Variants in CCNI2 observed in about 807,000 individuals in gnomAD.
The protein encoded by CCNI2 is cyclin I family member 2.
CCNI2 carries 32 observed loss-of-function variants against 33.2 expected under a neutral mutation model. The ratio of observed to expected loss-of-function variants is 0.96; its 90% CI spans 0.73 to 1.30. The LOEUF is 1.30. Ranked by LOEUF, CCNI2 falls within the 50% of genes most tolerant of loss-of-function variation. CCNI2 has a pLI of 0.00. For synonymous variants in CCNI2, 231 were observed against 219.9 expected (o/e 1.05, Z -0.45); for missense variants, 452 against 486.2 (o/e 0.93, Z 0.66).
rs1754797703 is a variant in CCNI2 at position 132,750,995 on chromosome 5, A to G, written c.772A>G (p.Ile258Val). 6.2e-7 allele frequency: 1 copy of G among 1,613,464 alleles called. No individual in the cohort carries two copies. The highest frequency in any genetic ancestry group is 1.3e-5 in the African/African-American group (1 of 75,012). The change falls in exon 4 of 6, where the codon ATA becomes GTA. Residue 258 changes from isoleucine to valine, a missense_variant and splice_region_variant. Physicochemically the swap from Ile to Val is conservative, Grantham distance 29. Coordinates refer to ENST00000378731, the MANE Select transcript of CCNI2 (RefSeq NM_001039780.4). ...TGGGACGCCGCTGGACTTCTTGACTATAGTGAGTAAGGAGGTGTTTACAGA... is the reference window on the plus strand; with the variant it reads ...TGGGACGCCGCTGGACTTCTTGACTGTAGTGAGTAAGGAGGTGTTTACAGA... ...YIGTPLDFLT[I>V]FHALVVLSWP...
Position 132,747,519 on chromosome 5 carries a change from G to A in CCNI2, c.24G>A (p.Pro8=). Residue 8 remains proline, a synonymous_variant, in exon 1 of 6, where the codon CCG becomes CCA. Transcript: ENST00000378731. This position sits in a 1 kb window ranked among gnomAD's most constrained non-coding sequence, Gnocchi z 4.1. The stretch of plus-strand genomic sequence containing the variant: ...ACATGGCCTCGGGCGCTCAGCTCCC[G>A]CCGCAGCCGTCGAGCTCAGAGGTCA... The part of the protein sequence containing the change: MASGAQL[P]PQPSSSEVSA... The A allele has an allele frequency of 1.3e-6, 2 of 1,498,404 alleles. No homozygotes were observed. The highest frequency in any genetic ancestry group is 1.8e-6 in the Non-Finnish European group (2 of 1,132,148). 92.8% of individuals were successfully genotyped at this position (1,498,404 alleles called of 1,614,324 possible). A position where few individuals can be genotyped will look rare whatever the true frequency, so the allele number is the denominator to read the frequency against.
rs1323308095 is a variant in CCNI2 at position 132,753,407 on chromosome 5, G to A, written c.*437G>A. 3 of 175,432 alleles carry A rather than the reference G, an allele frequency of 1.7e-5. No homozygotes were observed. Among genetic ancestry groups the A allele is most frequent in the Admixed American group, 1.1e-4 (2 of 18,164 alleles). 10.9% of individuals were successfully genotyped at this position (175,432 alleles called of 1,614,324 possible). On this transcript the variant is annotated 3_prime_UTR_variant, in exon 6 of 6. Transcript: ENST00000378731. ...CTGCTCTACCTGCCAGAGCTGGCCA[G>A]GTCCTTCCAACTTCCCAGGCTTATC...
downstream of CCNI2, chr5:132,754,640 G>A (rs1163953995): frequency 8.0e-6 from 5 of 625,420 alleles, no homozygotes; most frequent in East Asian, 2.8e-5. Flanking sequence ...TTGTATTGCC[G>A]AAGTCCCACT....
At chr5:132,750,808 C>G in intron 3 of CCNI2, 49 bp from the exon 4 acceptor site, 1 of 1,588,376 alleles carries the variant, frequency 6.3e-7, no homozygotes, top group Non-Finnish European at 8.6e-7. Flanking sequence ...AAAACAAAAG[C>G]TACTATGACA....
rs1035069452 is a variant in CCNI2 at position 132,747,977 on chromosome 5, G to A, written c.429+53G>A. The A allele has an allele frequency of 1.9e-5, 26 of 1,348,464 alleles. No individual in the cohort carries two copies. The highest frequency in any genetic ancestry group is 3.7e-5 in the Admixed American group (1 of 26,698). 83.5% of individuals were successfully genotyped at this position (1,348,464 alleles called of 1,614,324 possible). On this transcript the variant is annotated intron_variant, in intron 1 of 5. Transcript: ENST00000378731. The surrounding 1 kb of genome is among the most constrained non-coding windows in gnomAD (Gnocchi z 4.1). The stretch of plus-strand genomic sequence containing the variant: ...TCGCGCGTGCACGGCAGGCGGATGT[G>A]GCCTCCACCTGCACCCGCGCTCGGG...
chr5:132,748,252 A>AC lies in CCNI2; in HGVS notation c.430-89dup, dbSNP rs562586834. On this transcript the variant is annotated intron_variant, in intron 1 of 5. Transcript: ENST00000378731. ...AGAGGAAGGGACTTCTCACTGCCCCACCCCCCGCACCTTAAGCAGGAGGCT... is the reference window on the plus strand; with the variant it reads ...AGAGGAAGGGACTTCTCACTGCCCCACCCCCCCGCACCTTAAGCAGGAGGCT... 1,114 of 1,516,526 alleles carry AC rather than the reference A, an allele frequency of 7.3e-4. 6 individuals carry two copies. In the African/African-American group the frequency reaches 0.014, roughly 19 times the overall value. 93.9% of individuals were successfully genotyped at this position (1,516,526 alleles called of 1,614,324 possible).
Position 132,747,894 on chromosome 5 carries a change from G to T in CCNI2, c.399G>T (p.Glu133Asp). 1 of 1,404,452 alleles carries T rather than the reference G, an allele frequency of 7.1e-7. No individual in the cohort carries two copies. The highest frequency in any genetic ancestry group is 9.2e-7 in the Non-Finnish European group (1 of 1,087,814). The allele number at this position is 1,404,452 out of a possible 1,614,324, so 87.0% of individuals were successfully genotyped here. A position where few individuals can be genotyped will look rare whatever the true frequency, so the allele number is the denominator to read the frequency against. Reference protein sequence around the residue: ...LCHLQLAQDREARLWRGGKPQ... With the variant: ...LCHLQLAQDRDARLWRGGKPQ... ...ACTTGCAGCTGGCCCAGGACCGCGA[G>T]GCGCGCCTGTGGCGGGGCGGCAAAC... The change falls in exon 1 of 6, where the codon GAG (glutamate) becomes GAT (aspartate). Residue 133 changes from glutamate (E) to aspartate (D), a missense_variant. Physicochemically the swap from Glu to Asp is conservative, Grantham distance 45. Transcript: ENST00000378731. This position sits in a 1 kb window ranked among gnomAD's most constrained non-coding sequence, Gnocchi z 4.1.
In CCNI2 at chr5:132,753,955, G is replaced by GGTTT. The variant is rs1561732694; in HGVS notation, c.*986_*989dup. The GGTTT allele has an allele frequency of 2.7e-5, 3 of 111,678 alleles. No individual in the cohort carries two copies. Among genetic ancestry groups the GGTTT allele is most frequent in the African/African-American group, 1.8e-4 (3 of 16,852 alleles). 6.9% of individuals were successfully genotyped at this position (111,678 alleles called of 1,614,324 possible). On this transcript the variant is annotated 3_prime_UTR_variant, in exon 6 of 6. Transcript: ENST00000378731. The stretch of plus-strand genomic sequence containing the variant: ...TGTGAAGTCTTCCACTGTGAACTAT[G>GGTTT]GTTTTTTTTTTTTTTTTTTTTTTTT...
rs1427019560 is a variant in CCNI2 at position 132,747,567 on chromosome 5, G to A, written c.72G>A (p.Gly24=). ...SEVSAVQSPG[G]RPGAGLEETA... ...TCAGCGCCGTCCAGAGCCCAGGCGGGCGTCCCGGCGCCGGTCTGGAGGAAA... is the reference window on the plus strand; with the variant it reads ...TCAGCGCCGTCCAGAGCCCAGGCGGACGTCCCGGCGCCGGTCTGGAGGAAA... The change falls in exon 1 of 6, where the codon GGG becomes GGA. Residue 24 remains glycine, a synonymous_variant. Transcript: ENST00000378731. This position sits in a 1 kb window ranked among gnomAD's most constrained non-coding sequence, Gnocchi z 4.1. 5 of 1,495,752 alleles carry A rather than the reference G, an allele frequency of 3.3e-6. No individual in the cohort carries two copies. The highest frequency in any genetic ancestry group is 3.5e-6 in the Non-Finnish European group (4 of 1,128,794). The allele number at this position is 1,495,752 out of a possible 1,614,324, so 92.7% of individuals were successfully genotyped here. A position where few individuals can be genotyped will look rare whatever the true frequency, so the allele number is the denominator to read the frequency against.
intron 1 of CCNI2, 86 bp from the exon 2 acceptor site, chr5:132,748,261 A>T: frequency 1.9e-6 from 3 of 1,552,370 alleles, no homozygotes; most frequent in Non-Finnish European, 2.6e-6. Flanking sequence ...CACCCCCCGC[A>T]CCTTAAGCAG....
intron 3 of CCNI2, 66 bp downstream of exon 3, chr5:132,749,488 C>A: frequency 1.5e-6 from 2 of 1,325,674 alleles, no homozygotes; most frequent in Non-Finnish European, 2.2e-6. Flanking sequence ...TTGGAGGACT[C>A]CAGTTTCCTG....
chr5:132,748,218 C>A, intron 1 of CCNI2, 129 bp from the exon 2 acceptor site: 2 of 1,300,968 alleles, frequency 1.5e-6, no homozygotes, highest in Non-Finnish European at 1.0e-6. Flanking sequence ...TTACTCCCAG[C>A]GGGCATGCAG....
At chr5:132,751,924 T>C (rs1334222918) in intron 4 of CCNI2, 42 bp from the exon 5 acceptor site, 2 of 1,559,190 alleles carry the variant, frequency 1.3e-6, no homozygotes, top group South Asian at 1.2e-5. Context: ...ATAGGAAAAG[T>C]ATGGCGTTTT....
rs1325658547 is a variant in CCNI2 at position 132,753,402 on chromosome 5, G to T, written c.*432G>T. 5.7e-6 allele frequency: 1 copy of T among 176,178 alleles called. No homozygotes were observed. Among genetic ancestry groups the T allele is most frequent in the Non-Finnish European group, 1.2e-5 (1 of 81,806 alleles). 10.9% of individuals were successfully genotyped at this position (176,178 alleles called of 1,614,324 possible). On this transcript the variant is annotated 3_prime_UTR_variant, in exon 6 of 6. Transcript: ENST00000378731. The stretch of plus-strand genomic sequence containing the variant: ...TCTTGCTGCTCTACCTGCCAGAGCT[G>T]GCCAGGTCCTTCCAACTTCCCAGGC...
Position 132,747,780 on chromosome 5 carries a change from C to T in CCNI2, c.285C>T (p.Ala95=). The T allele has an allele frequency of 1.4e-6, 2 of 1,470,144 alleles. No individual in the cohort carries two copies. Among genetic ancestry groups the T allele is most frequent in the African/African-American group, 2.9e-5 (2 of 68,192 alleles). The allele number at this position is 1,470,144 out of a possible 1,614,324, so 91.1% of individuals were successfully genotyped here. A position where few individuals can be genotyped will look rare whatever the true frequency, so the allele number is the denominator to read the frequency against. ...AGKTADAVPA[A]APEQAPRPAP... ...AAACCGCAGACGCGGTCCCCGCCGCCGCCCCAGAGCAAGCTCCGCGGCCGG... is the reference window on the plus strand; with the variant it reads ...AAACCGCAGACGCGGTCCCCGCCGCTGCCCCAGAGCAAGCTCCGCGGCCGG... The change falls in exon 1 of 6, where the codon GCC becomes GCT. Residue 95 remains alanine (A), a synonymous_variant. Coordinates refer to ENST00000378731, the MANE Select transcript of CCNI2 (RefSeq NM_001039780.4). The surrounding 1 kb of genome is among the most constrained non-coding windows in gnomAD (Gnocchi z 4.1).
Position 132,752,903 on chromosome 5 carries a change from T to C in CCNI2, c.1043T>C (p.Val348Ala), listed in dbSNP as rs1754984965. ...CAGTACAGCTGCTGCAAGGAACTTG[T>C]AATGCAGCAACTGAGAAGTCTTCAG... ...DMQYSCCKEL[V>A]MQQLRSLQSS... The change falls in exon 6 of 6, where the codon GTA (valine) becomes GCA (alanine). Residue 348 changes from valine (V) to alanine (A), a missense_variant. Transcript: ENST00000378731. The C allele has an allele frequency of 2.5e-6, 4 of 1,614,166 alleles. No individual in the cohort carries two copies. Among genetic ancestry groups the C allele is most frequent in the Non-Finnish European group, 3.4e-6 (4 of 1,180,032 alleles).
At position 132,752,041 on chromosome 5, in the gene CCNI2, G is replaced by A. The variant is rs376378013; in HGVS notation, c.850G>A (p.Ala284Thr). The change falls in exon 5 of 6, where the codon GCA becomes ACA. Residue 284 changes from alanine (A) to threonine (T), a missense_variant. Transcript: ENST00000378731. Reference protein sequence around the residue: ...LPQRNPSLHVASLTRQLQHCM... With the variant: ...LPQRNPSLHVTSLTRQLQHCM... Reference sequence around the variant, plus strand: ...TCAGAGGAATCCTTCCCTCCACGTCGCATCCCTGACCAGGCAGCTGCAGCA... The same window carrying A: ...TCAGAGGAATCCTTCCCTCCACGTCACATCCCTGACCAGGCAGCTGCAGCA... 1.1e-5 allele frequency: 17 copies of A among 1,610,428 alleles called. No individual in the cohort carries two copies. Among genetic ancestry groups the A allele is most frequent in the South Asian group, 4.5e-5 (4 of 89,848 alleles).
At chr5:132,754,694 G>A (rs1755176073), downstream of CCNI2, among the ~76,000 whole-genome samples, 1 of 152,164 alleles carries the variant, frequency 6.6e-6, no homozygotes, top group South Asian at 2.1e-4. Flanking sequence ...GCTTGCCGTG[G>A]GGCCCCAGGT....
intron 4 of CCNI2, 35 bp downstream of exon 4, chr5:132,751,032 A>G: frequency 6.2e-7 from 1 of 1,605,460 alleles, no homozygotes; most frequent in South Asian, 1.1e-5. Flanking sequence ...TCTACCCTAA[A>G]CTCGTTTGTG....
Sources: allele counts gnomAD v4.1 joint callset (sites outside exome capture counted in the v4.1 genomes callset), GRCh38; gene constraint gnomAD v4.1.1; non-coding constraint Gnocchi (gnomAD v3.1); transcripts MANE v1.5; gene names NCBI Gene and HGNC (gene_info 2026-07-23, HGNC 2026-07-21).